The following PRKCQ variants were observed in gnomAD, a reference collection of about 807,000 sequenced individuals.
PRKCQ encodes protein kinase C theta type.
A neutral mutation model predicts 91.2 loss-of-function variants in PRKCQ; 41 were observed. The observed-to-expected ratio is 0.45, with a 90% confidence interval of 0.35 to 0.58. PRKCQ has a LOEUF of 0.58. Ranked by LOEUF, PRKCQ falls within the 20% of genes least tolerant of loss-of-function variation. The probability of loss-of-function intolerance (pLI) is 0.00; values close to 1 mark genes in which losing one functional copy is unlikely to be tolerated. For synonymous variants in PRKCQ, 307 were observed against 316.9 expected (o/e 0.97, Z 0.33); for missense variants, 673 against 896.5 (o/e 0.75, Z 3.18).
chr10:6,546,541 T>C (rs1839959080), intron 1 of PRKCQ, among the ~76,000 whole-genome samples: 1 of 152,196 alleles, frequency 6.6e-6, no homozygotes, highest in South Asian at 2.1e-4. Flanking sequence ...CTGTCTGGTA[T>C]TGGTGTATAA....
the PRKCQ span, among the ~76,000 whole-genome samples, chr10:6,417,148 A>T: frequency 2.0e-5 from 3 of 152,252 alleles, no homozygotes; most frequent in African/African-American, 7.2e-5. Flanking sequence ...GCAACATGAA[A>T]TAGGTGTCTT....
At chr10:6,401,606 C>T in the PRKCQ span, among the ~76,000 whole-genome samples, 1 of 151,878 alleles carries the variant, frequency 6.6e-6, no homozygotes, top group Admixed American at 6.6e-5. Context: ...GATTACAACA[C>T]CTGGGGTTCT....
chr10:6,535,771 A>G (rs1839559643), intron 1 of PRKCQ, among the ~76,000 whole-genome samples: 1 of 152,148 alleles, frequency 6.6e-6, no homozygotes, highest in African/African-American at 2.4e-5. Context: ...AGATCCATCA[A>G]AGCGGACAGA....
At chr10:6,506,157 G>A (rs368196361) in intron 4 of PRKCQ, among the ~76,000 whole-genome samples, 1 of 152,160 alleles carries the variant, frequency 6.6e-6, no homozygotes, top group East Asian at 1.9e-4. Context: ...CACCTTCCAA[G>A]AGGAAAAATA....
At chr10:6,528,081 A>G (rs1839261774) in intron 1 of PRKCQ, among the ~76,000 whole-genome samples, 1 of 151,836 alleles carries the variant, frequency 6.6e-6, no homozygotes, top group Non-Finnish European at 1.5e-5. Context: ...CGCTAATTAG[A>G]GCCTCACTGC....
At chr10:6,566,450 CAG>C (rs1462448519) in intron 1 of PRKCQ, among the ~76,000 whole-genome samples, 1 of 152,160 alleles carries the variant, frequency 6.6e-6, no homozygotes, top group Non-Finnish European at 1.5e-5. Flanking sequence ...ATATTCGAAT[CAG>C]GGGGAATCCT....
intron 1 of PRKCQ, among the ~76,000 whole-genome samples, chr10:6,572,928 C>G (rs1841096557): frequency 6.6e-6 from 1 of 152,022 alleles, no homozygotes; most frequent in South Asian, 2.1e-4. Flanking sequence ...AATCACCATT[C>G]TGACTTGCAG....
At chr10:6,578,891 C>T (rs1349471115) in intron 1 of PRKCQ, among the ~76,000 whole-genome samples, 1 of 142,264 alleles carries the variant, frequency 7.0e-6, no homozygotes, top group Non-Finnish European at 1.5e-5. Context: ...TTCACAAGGT[C>T]GGGGTGTGGG....
At chr10:6,425,839 C>T (rs957947363), downstream of PRKCQ, among the ~76,000 whole-genome samples, 3 of 152,024 alleles carry the variant, frequency 2.0e-5, no homozygotes, top group Non-Finnish European at 2.9e-5. Context: ...GATGAATAGA[C>T]CTTATTTTGG....
intron 11 of PRKCQ, 38 bp downstream of exon 11, chr10:6,483,402 G>A (rs772760375): frequency 1.2e-6 from 2 of 1,612,406 alleles, no homozygotes. Flanking sequence ...ATCAGTTCCT[G>A]GAGTTGGGCC....
chr10:6,458,602 G>C (rs1218427387), intron 14 of PRKCQ, among the ~76,000 whole-genome samples: 2 of 152,074 alleles, frequency 1.3e-5, no homozygotes, highest in Non-Finnish European at 2.9e-5. Context: ...GGTGGAGTGG[G>C]CATCACAGTT....
intron 15 of PRKCQ, among the ~76,000 whole-genome samples, chr10:6,451,637 T>C (rs911439596): frequency 1.1e-4 from 16 of 152,132 alleles, no homozygotes; most frequent in Non-Finnish European, 2.2e-4. Flanking sequence ...AAGAGAATTT[T>C]AGACCAATAT....
intron 4 of PRKCQ, among the ~76,000 whole-genome samples, chr10:6,499,557 T>A (rs529449815): frequency 4.6e-5 from 7 of 152,266 alleles, no homozygotes; most frequent in African/African-American, 1.4e-4. Flanking sequence ...ACAAAAATGA[T>A]ACACAAATAA....
the PRKCQ span, among the ~76,000 whole-genome samples, chr10:6,399,916 G>A: frequency 6.6e-6 from 1 of 152,120 alleles, no homozygotes; most frequent in Admixed American, 6.5e-5. Context: ...CAAATGTCTG[G>A]CATCAATCGG....
Position 6,483,618 on chromosome 10 carries a change from T to A in PRKCQ, c.1019-18A>T, listed in dbSNP as rs746985042. ...CTGAGGCTCTGAAAATGCAAGCTGG[T>A]GGTTAAAAATGAACATGGAGTAATG... On this transcript the variant is annotated intron_variant, in intron 10 of 17. Transcript: ENST00000263125. 6.2e-7 allele frequency: 1 copy of A among 1,612,656 alleles called. No individual in the cohort carries two copies. Among genetic ancestry groups the A allele is most frequent in the South Asian group, 1.1e-5 (1 of 90,902 alleles).
chr10:6,561,369 C>CAAAAAAAA (rs3086735), intron 1 of PRKCQ, among the ~76,000 whole-genome samples: 6 of 82,636 alleles, frequency 7.3e-5, no homozygotes, highest in African/African-American at 9.7e-5. Flanking sequence ...GACCCTGTCT[C>CAAAAAAAA]AAAAAAAAAA....
chr10:6,492,532 C>T (rs955359128), intron 7 of PRKCQ, among the ~76,000 whole-genome samples: 6 of 152,124 alleles, frequency 3.9e-5, no homozygotes, highest in East Asian at 3.8e-4. Context: ...GCCCAGGACA[C>T]GCAGCTCTAG....
chr10:6,553,434 G>C (rs1487816277), intron 1 of PRKCQ, among the ~76,000 whole-genome samples: 1 of 148,418 alleles, frequency 6.7e-6, no homozygotes, highest in Non-Finnish European at 1.5e-5. Flanking sequence ...AGGTTGCAGA[G>C]AGCCGAGATA....
At chr10:6,396,872 T>C in the PRKCQ span, among the ~76,000 whole-genome samples, 1 of 152,262 alleles carries the variant, frequency 6.6e-6, no homozygotes, top group African/African-American at 2.4e-5. Flanking sequence ...ATTTTTCAAA[T>C]GCATTGCAAC....
Sources: allele counts gnomAD v4.1 joint callset (sites outside exome capture counted in the v4.1 genomes callset), GRCh38; gene constraint gnomAD v4.1.1; transcripts MANE v1.5; gene names NCBI Gene and HGNC (gene_info 2026-07-23, HGNC 2026-07-21).